RARRES1: variants seen among roughly 807,000 people sequenced by gnomAD.
RARRES1 encodes retinoic acid receptor responder protein 1.
A neutral mutation model predicts 30.6 loss-of-function variants in RARRES1; 34 were observed. That is an observed-to-expected ratio of 1.11 (90% CI 0.84 to 1.48). RARRES1 has a LOEUF of 1.48. Among genes scored for constraint, RARRES1 ranks in the 40% most tolerant of loss-of-function variants. RARRES1 has a pLI of 0.00. For missense variants in RARRES1, 373 were observed against 386.5 expected (o/e 0.97, Z 0.29); for synonymous variants, 153 against 155.5 (o/e 0.98, Z 0.12).
intron 1 of RARRES1, among the ~76,000 whole-genome samples, chr3:158,726,685 G>GC (rs1323975250): frequency 6.6e-6 from 1 of 152,242 alleles, no homozygotes; most frequent in African/African-American, 2.4e-5. Flanking sequence ...AAAAGTAAAA[G>GC]CAGAGGGTTG....
intron 1 of RARRES1, among the ~76,000 whole-genome samples, chr3:158,715,428 A>G (rs556186775): frequency 2.0e-5 from 3 of 152,240 alleles, no homozygotes; most frequent in African/African-American, 7.2e-5. Flanking sequence ...GGGACAGTGA[A>G]GCTGGAGAAA....
chr3:158,697,710 C>T lies in RARRES1; in HGVS notation c.853G>A (p.Ala285Thr), dbSNP rs1230810761. 1 of 1,613,508 alleles carries T rather than the reference C, an allele frequency of 6.2e-7. No individual in the cohort carries two copies. The highest frequency in any genetic ancestry group is 1.7e-5 in the Admixed American group (1 of 60,006). ...EEASGTEEGS[A>T]VVPTELSNF ...TTACTAAGCTCTGTTGGTACTACAGCTGATCCTTCTTCAGTTCCGGAGGCT... is the reference window on the plus strand; with the variant it reads ...TTACTAAGCTCTGTTGGTACTACAGTTGATCCTTCTTCAGTTCCGGAGGCT... The change falls in exon 6 of 6, where the codon GCT becomes ACT. Residue 285 changes from alanine to threonine, a missense_variant. Coordinates refer to ENST00000237696, the MANE Select transcript of RARRES1 (RefSeq NM_206963.2).
In RARRES1 at chr3:158,717,667, AGCTGGAGTGTGGAGAATGAT is replaced by A. The variant is rs572381426; in HGVS notation, c.277-3828_277-3809del. ...GGAGGGATTTTGAAAAGATCCCTCT[AGCTGGAGTGTGGAGAATGAT>A]GCTGGAGTGAGGAGTTGTGCAGAGT... On this transcript the variant is annotated intron_variant, in intron 1 of 5. Coordinates refer to ENST00000237696, the MANE Select transcript of RARRES1 (RefSeq NM_206963.2). Among the ~76,000 whole-genome samples the A allele has an allele frequency of 2.4e-3, 373 of 152,328 alleles. 2 individuals are homozygous for A. Among genetic ancestry groups the A allele is most frequent in the Non-Finnish European group, 4.0e-3 (270 of 68,034 alleles).
chr3:158,718,256 G>A (rs1052548886), intron 1 of RARRES1, among the ~76,000 whole-genome samples: 2 of 152,118 alleles, frequency 1.3e-5, no homozygotes, highest in Non-Finnish European at 1.5e-5. Context: ...GGGATTACAG[G>A]TGTGAGCCAC....
At chr3:158,720,863 G>C (rs1213969702) in intron 1 of RARRES1, among the ~76,000 whole-genome samples, 3 of 152,124 alleles carry the variant, frequency 2.0e-5, no homozygotes, top group African/African-American at 7.2e-5. Context: ...AATCCAGTAT[G>C]ACCTCATCTT....
chr3:158,714,319 A>G (rs1233517892), intron 1 of RARRES1, among the ~76,000 whole-genome samples: 1 of 152,174 alleles, frequency 6.6e-6, no homozygotes, highest in Non-Finnish European at 1.5e-5. Context: ...TTATGCTTTC[A>G]GGGGCTGATG....
At position 158,704,586 on chromosome 3, in the gene RARRES1, A is replaced by C. The variant is rs1726850741; in HGVS notation, c.672+205T>G. ...TCTCTCACTAGAATTAATCTCAATG[A>C]GGGCAGCAACATTGTGTCTTTGTTC... On this transcript the variant is annotated intron_variant, in intron 4 of 5. Transcript: ENST00000237696. 4.8e-6 allele frequency: 3 copies of C among 630,848 alleles called. No individual in the cohort carries two copies. The African/African-American group carries it at 5.6e-5, about 12-fold the overall frequency. The allele number at this position is 630,848 out of a possible 1,614,324, so 39.1% of individuals were successfully genotyped here.
rs777701079 is a variant in RARRES1, at chr3:158,710,825, C to T, written c.448G>A (p.Glu150Lys). 25 of 1,613,356 alleles carry T rather than the reference C, an allele frequency of 1.5e-5. No individual in the cohort carries two copies. Among genetic ancestry groups the T allele is most frequent in the African/African-American group, 5.3e-5 (4 of 74,800 alleles). The stretch of plus-strand genomic sequence containing the variant: ...TCCTCTTGTTGTCTTTTCTTTTTCT[C>T]GATGAGCCGTGTACAAGTTACATTG... ...TINVTCTRLI[E>K]KKKRQQEDYL... is the part of the protein sequence containing the mutation. Residue 150 changes from glutamate to lysine, a missense_variant, in exon 3 of 6, where the codon GAG (glutamate) becomes AAG (lysine). By Grantham distance (56) the Glu-to-Lys change is moderately conservative (BLOSUM62 1). Transcript: ENST00000237696.
chr3:158,714,184 T>C (rs1276128552), intron 1 of RARRES1, among the ~76,000 whole-genome samples: 1 of 152,062 alleles, frequency 6.6e-6, no homozygotes, highest in African/African-American at 2.4e-5. Flanking sequence ...CATCCCCAAC[T>C]CCTCAGTGCC....
intron 1 of RARRES1, among the ~76,000 whole-genome samples, chr3:158,730,153 C>G (rs1011976603): frequency 3.9e-5 from 6 of 151,916 alleles, no homozygotes; most frequent in Non-Finnish European, 2.9e-5. Flanking sequence ...AACCCTGTCT[C>G]TACTAGAAAT....
At chr3:158,700,068 T>C (rs2108128941) in intron 4 of RARRES1, among the ~76,000 whole-genome samples, 1 of 152,278 alleles carries the variant, frequency 6.6e-6, no homozygotes. Flanking sequence ...ACATGGTGGC[T>C]CATGCCTGTA....
At chr3:158,718,104 G>A (rs1376269146) in intron 1 of RARRES1, among the ~76,000 whole-genome samples, 6 of 151,520 alleles carry the variant, frequency 4.0e-5, no homozygotes, top group East Asian at 2.0e-4. Context: ...TCAGTCTCCC[G>A]AGTAGCTGGG....
At position 158,697,969 on chromosome 3, in the gene RARRES1, T is replaced by G; in HGVS notation, c.674A>C (p.Lys225Thr). 6.6e-7 allele frequency: 1 copy of G among 1,511,760 alleles called. No individual in the cohort carries two copies. 93.6% of individuals were successfully genotyped at this position (1,511,760 alleles called of 1,614,324 possible). A position where few individuals can be genotyped will look rare whatever the true frequency, so the allele number is the denominator to read the frequency against. ...AAAATCAATTGTATCATCATTAGTTTTCTAGAGGGAGAAAAAAGAGTTAGT... is the reference window on the plus strand; with the variant it reads ...AAAATCAATTGTATCATCATTAGTTGTCTAGAGGGAGAAAAAAGAGTTAGT... ...LAQLTSVRQW[K>T]TNDDTIDFDY... is the part of the protein sequence containing the mutation. Residue 225 changes from lysine (K) to threonine (T), a missense_variant and splice_region_variant, in exon 5 of 6, where the codon AAA (lysine) becomes ACA (threonine). By Grantham distance (78) the Lys-to-Thr change is moderately conservative. Coordinates refer to ENST00000237696, the MANE Select transcript of RARRES1 (RefSeq NM_206963.2).
At position 158,697,184 on chromosome 3, in the gene RARRES1, TAATC is replaced by T. The variant is rs1420540227; in HGVS notation, c.*490_*493del. The T allele has an allele frequency of 5.3e-5, 8 of 152,266 alleles. No homozygotes were observed. The highest frequency in any genetic ancestry group is 1.4e-4 in the African/African-American group (6 of 41,454). The allele number at this position is 152,266 out of a possible 1,614,324, so 9.4% of individuals were successfully genotyped here. On this transcript the variant is annotated 3_prime_UTR_variant, in exon 6 of 6. Coordinates refer to ENST00000237696, the MANE Select transcript of RARRES1 (RefSeq NM_206963.2). ...AATACTTGCCTGAAATCATAAAACA[TAATC>T]AAGTTCTTTTTAAAACAGTTAATTT...
At position 158,723,670 on chromosome 3, in the gene RARRES1, G is replaced by C. The variant is rs560918054; in HGVS notation, c.276+8470C>G. Among the ~76,000 whole-genome samples, 1 of 152,194 alleles carries C rather than the reference G, an allele frequency of 6.6e-6. No homozygotes were observed. Among genetic ancestry groups the C allele is most frequent in the African/African-American group, 2.4e-5 (1 of 41,456 alleles). ...TCTCTCAGCCAACCCTGGGTCCCAC[G>C]TTCTTGATTTGGGGTAGGAAGCGAG... is the stretch of plus-strand genomic sequence containing the variant. On this transcript the variant is annotated intron_variant, in intron 1 of 5. Coordinates refer to ENST00000237696, the MANE Select transcript of RARRES1 (RefSeq NM_206963.2). The surrounding 1 kb of genome is among the most constrained non-coding windows in gnomAD (Gnocchi z 4.4).
rs921272550 is a variant in RARRES1, at chr3:158,717,383, A to G, written c.277-3524T>C. 5.6e-4 allele frequency among the ~76,000 whole-genome samples: 85 copies of G among 152,180 alleles called. 5 individuals carry two copies. Reference sequence around the variant, plus strand: ...GATTGTGGCTGACTTAAGAGCTATGAGAGGATGGCTAGAGAATTGGTCTAG... The same window carrying G: ...GATTGTGGCTGACTTAAGAGCTATGGGAGGATGGCTAGAGAATTGGTCTAG... On this transcript the variant is annotated intron_variant, in intron 1 of 5. Coordinates refer to ENST00000237696, the MANE Select transcript of RARRES1 (RefSeq NM_206963.2).
At chr3:158,729,066 A>C (rs1727786577) in intron 1 of RARRES1, among the ~76,000 whole-genome samples, 1 of 152,076 alleles carries the variant, frequency 6.6e-6, no homozygotes, top group Admixed American at 6.5e-5. Flanking sequence ...TAATGGATGA[A>C]CAGACTACCC....
In RARRES1 at chr3:158,710,741, G is replaced by A; in HGVS notation, c.532C>T (p.Pro178Ser). The A allele has an allele frequency of 6.3e-7, 1 of 1,599,384 alleles. No individual in the cohort carries two copies. Among genetic ancestry groups the A allele is most frequent in the Non-Finnish European group, 8.6e-7 (1 of 1,167,716 alleles). ...AATTCCAAATGCTGATTCATACCAG[G>A]TATGCTGACTATTTCCAAGGGGTTT... The part of the protein sequence containing the change: ...LKNPLEIVSI[P>S]DNHGHIDPSL... Residue 178 changes from proline (P) to serine (S), a missense_variant, in exon 3 of 6, where the codon CCT becomes TCT. By Grantham distance (74) the Pro-to-Ser change is moderately conservative. Transcript: ENST00000237696.
At chr3:158,721,167 G>A (rs1286394813) in intron 1 of RARRES1, among the ~76,000 whole-genome samples, 1 of 152,166 alleles carries the variant, frequency 6.6e-6, no homozygotes, top group Non-Finnish European at 1.5e-5. Context: ...GTGTGCCAGG[G>A]CATGGAAGCG....
Sources: allele counts gnomAD v4.1 joint callset (sites outside exome capture counted in the v4.1 genomes callset), GRCh38; gene constraint gnomAD v4.1.1; non-coding constraint Gnocchi (gnomAD v3.1); transcripts MANE v1.5; gene names NCBI Gene and HGNC (gene_info 2026-07-23, HGNC 2026-07-21).